Variants in ST18 observed in about 807,000 individuals in gnomAD.
ST18 encodes the protein suppression of tumorigenicity 18 protein.
In ST18, 50 loss-of-function variants were observed where a neutral mutation model predicts 110.0. The observed-to-expected ratio is 0.45, with a 90% confidence interval of 0.36 to 0.58. The LOEUF (loss-of-function observed/expected upper bound fraction) is 0.58, where lower values mean the gene tolerates loss of function less well. ST18 is among the 20% of genes least tolerant of loss of function. The pLI, the probability that ST18 is intolerant of heterozygous loss-of-function variation, is 0.00. For missense variants in ST18, 1,306 were observed against 1,280.1 expected, an observed-to-expected ratio of 1.02 and a Z score of -0.31; for synonymous variants, 461 against 452.4, an observed-to-expected ratio of 1.02 and a Z score of -0.24.
chr8:52,170,452 C>CAATCAATA (rs753846407), intron 10 of ST18, among the ~76,000 whole-genome samples: 28 of 128,060 alleles, frequency 2.2e-4, no homozygotes, highest in Non-Finnish European at 2.8e-4. Flanking sequence ...ACTCAAAAAT[C>CAATCAATA]AATAAATAAA....
chr8:52,120,585 G>C (rs978344793), intron 23 of ST18, among the ~76,000 whole-genome samples: 4 of 152,176 alleles, frequency 2.6e-5, no homozygotes, highest in African/African-American at 9.6e-5. Flanking sequence ...AGGCTGGGAA[G>C]GGAGTGAGTG....
At chr8:52,223,104 G>A (rs1411771443) in intron 3 of ST18, among the ~76,000 whole-genome samples, 2 of 152,178 alleles carry the variant, frequency 1.3e-5, no homozygotes, top group African/African-American at 4.8e-5. Flanking sequence ...GAAGGACTAC[G>A]TTTGTCCACT....
Position 52,149,784 on chromosome 8 carries a change from T to C in ST18, c.2000A>G (p.Asp667Gly), listed in dbSNP as rs767507444. 1 of 1,614,148 alleles carries C rather than the reference T, an allele frequency of 6.2e-7. No individual in the cohort carries two copies. The highest frequency in any genetic ancestry group is 1.3e-5 in the African/African-American group (1 of 75,044). The stretch of plus-strand genomic sequence containing the variant: ...AGTTTTGCTATAGTTGATAGGAGTG[T>C]CCCAGCCCTCTTGGTCACAAAGAGC... ...YQALCDQEGWDTPINYSKTHG... is the reference protein window; with the variant it reads ...YQALCDQEGWGTPINYSKTHG... Residue 667 changes from aspartate (D) to glycine (G), a missense_variant, in exon 16 of 26, where the codon GAC becomes GGC. Transcript: ENST00000689386.
intron 2 of ST18, among the ~76,000 whole-genome samples, chr8:52,304,643 G>C (rs890142637): frequency 6.6e-6 from 1 of 152,050 alleles, no homozygotes; most frequent in African/African-American, 2.4e-5. Flanking sequence ...TTTTCTTTTT[G>C]CTCTTTGTTT....
chr8:52,208,707 G>T (rs755295393), intron 8 of ST18, among the ~76,000 whole-genome samples: 18 of 152,136 alleles, frequency 1.2e-4, no homozygotes, highest in Non-Finnish European at 2.1e-4. Context: ...AGTCCCAGCT[G>T]CTAGGGAGGC....
chr8:52,237,664 A>G (rs1013429191), intron 2 of ST18, among the ~76,000 whole-genome samples: 4 of 152,218 alleles, frequency 2.6e-5, no homozygotes, highest in Non-Finnish European at 4.4e-5. Flanking sequence ...GCCAAACTCA[A>G]AAACAAGGAA....
At chr8:52,400,142 C>G (rs1027762486) in intron 2 of ST18, among the ~76,000 whole-genome samples, 1 of 151,990 alleles carries the variant, frequency 6.6e-6, no homozygotes, top group African/African-American at 2.4e-5. Context: ...AATAGGTTAG[C>G]CCTTTTACCA....
At chr8:52,250,475 A>AAAAAAAC (rs2094210742) in intron 2 of ST18, among the ~76,000 whole-genome samples, 1 of 150,458 alleles carries the variant, frequency 6.6e-6, no homozygotes, top group African/African-American at 2.4e-5. Flanking sequence ...AAAAAAAAAA[A>AAAAAAAC]AAGATCAAAA....
intron 19 of ST18, among the ~76,000 whole-genome samples, chr8:52,135,863 T>A (rs2052004450): frequency 6.6e-6 from 1 of 152,198 alleles, no homozygotes; most frequent in African/African-American, 2.4e-5. Flanking sequence ...CATATTGTTT[T>A]ACCAGTAGAT....
intron 22 of ST18, among the ~76,000 whole-genome samples, chr8:52,127,047 A>C (rs1056924659): frequency 2.0e-5 from 3 of 152,236 alleles, no homozygotes; most frequent in Non-Finnish European, 2.9e-5. Context: ...ATAATCAGTC[A>C]TTTAAAGTCT....
At chr8:52,318,579 A>G (rs1464782281) in intron 2 of ST18, among the ~76,000 whole-genome samples, 1 of 152,214 alleles carries the variant, frequency 6.6e-6, no homozygotes, top group Non-Finnish European at 1.5e-5. Flanking sequence ...TTGTTCTATT[A>G]TAAAGACACA....
chr8:52,136,697 A>G (rs377748068), intron 18 of ST18, 39 bp from the exon 19 acceptor site: 2 of 1,540,928 alleles, frequency 1.3e-6, no homozygotes, highest in African/African-American at 2.7e-5. Flanking sequence ...CACAACACTG[A>G]CATATACAAA....
chr8:52,116,401 G>A lies in ST18; in HGVS notation c.2877C>T (p.Ser959=). ...KLQTQITSME[S]NLKTIEEENK... is the part of the protein sequence containing the mutation. ...TCTCCTCCTCTATCGTCTTTAAGTT[G>A]CTCTCCATAGATGTGATCTACAACA... Residue 959 remains serine (S), a synonymous_variant, in exon 25 of 26, where the codon AGC becomes AGT. Transcript: ENST00000689386. The A allele has an allele frequency of 6.2e-7, 1 of 1,613,486 alleles. No individual in the cohort carries two copies. The highest frequency in any genetic ancestry group is 8.5e-7 in the Non-Finnish European group (1 of 1,179,768).
At chr8:52,382,732 T>G (rs1835027351) in intron 2 of ST18, among the ~76,000 whole-genome samples, 1 of 151,430 alleles carries the variant, frequency 6.6e-6, no homozygotes, top group Non-Finnish European at 1.5e-5. Context: ...GAGAAGCTCC[T>G]TCTAGGAAGT....
chr8:52,247,859 T>C (rs568768804), intron 2 of ST18, among the ~76,000 whole-genome samples: 1 of 152,304 alleles, frequency 6.6e-6, no homozygotes, highest in Admixed American at 6.5e-5. Context: ...TTTCCCCACA[T>C]ACATTTTACT....
chr8:52,168,412 G>C (rs1396134479), intron 10 of ST18, among the ~76,000 whole-genome samples: 1 of 152,004 alleles, frequency 6.6e-6, no homozygotes, highest in East Asian at 1.9e-4. Flanking sequence ...CATTTCCGGG[G>C]TGCTGTATTG....
rs556626005 is a variant in ST18 at position 52,117,608 on chromosome 8, T to A, written c.2859+730A>T. 3.3e-5 allele frequency among the ~76,000 whole-genome samples: 5 copies of A among 152,296 alleles called. No homozygotes were observed. The South Asian group carries it at 1.0e-3, about 32-fold the overall frequency. ...AATGGTCACTCTGGGTAAGGAAACC[T>A]AAATTTCAGATGGATTAAAACCCTT... is the stretch of plus-strand genomic sequence containing the variant. On this transcript the variant is annotated intron_variant, in intron 24 of 25. Coordinates refer to ENST00000689386, the MANE Select transcript of ST18 (RefSeq NM_001352837.2).
intron 3 of ST18, among the ~76,000 whole-genome samples, chr8:52,227,224 C>G (rs1379844887): frequency 6.6e-6 from 1 of 151,894 alleles, no homozygotes; most frequent in African/African-American, 2.4e-5. Flanking sequence ...AAGAATGTAC[C>G]CATTATTCGT....
chr8:52,142,921 AC>A lies in ST18; in HGVS notation c.2168+8del. On this transcript the variant is annotated splice_region_variant and intron_variant, in intron 17 of 25. Coordinates refer to ENST00000689386, the MANE Select transcript of ST18 (RefSeq NM_001352837.2). The stretch of plus-strand genomic sequence containing the variant: ...AATCTTAGAGGGCATGGCATTGGGC[AC>A]CACTTACGTGATTAGTTCCTTTTTG... The A allele has an allele frequency of 6.3e-7, 1 of 1,588,024 alleles. No individual in the cohort carries two copies. Among genetic ancestry groups the A allele is most frequent in the Non-Finnish European group, 8.6e-7 (1 of 1,156,658 alleles).
Sources: allele counts gnomAD v4.1 joint callset (sites outside exome capture counted in the v4.1 genomes callset), GRCh38; gene constraint gnomAD v4.1.1; transcripts MANE v1.5; gene names NCBI Gene and HGNC (gene_info 2026-07-23, HGNC 2026-07-21).